Variants in ZMYM4 observed in about 807,000 individuals in gnomAD.
ZMYM4 encodes the protein zinc finger MYM-type protein 4.
A neutral mutation model predicts 183.2 loss-of-function variants in ZMYM4; 31 were observed. That is an observed-to-expected ratio of 0.17 (90% CI 0.13 to 0.23). The LOEUF is 0.23. Ranked by LOEUF, ZMYM4 falls within the 10% of genes least tolerant of loss-of-function variation. The pLI is 1.00. For synonymous variants in ZMYM4, 592 were observed against 631.2 expected (o/e 0.94, Z 0.93); for missense variants, 1,273 against 1,840.3 (o/e 0.69, Z 5.64).
chr1:35,394,162 CTTTTT>C (rs34277367), intron 18 of ZMYM4, among the ~76,000 whole-genome samples: 131 of 68,426 alleles, frequency 1.9e-3, no homozygotes, highest in East Asian at 0.011. Context: ...TCAGAGCTTT[CTTTTT>C]TTTTTTTTTT....
chr1:35,286,939 T>C (rs768654180), intron 1 of ZMYM4, among the ~76,000 whole-genome samples: 1 of 151,540 alleles, frequency 6.6e-6, no homozygotes, highest in Non-Finnish European at 1.5e-5. Flanking sequence ...ATCTTTCTGT[T>C]TTGGCACTGA....
chr1:35,341,570 G>T (rs1485865938), intron 2 of ZMYM4, among the ~76,000 whole-genome samples: 1 of 150,852 alleles, frequency 6.6e-6, no homozygotes. Context: ...GAATAGTCAG[G>T]GTGTTACTTA....
intron 18 of ZMYM4, among the ~76,000 whole-genome samples, chr1:35,395,228 T>C (rs974583360): frequency 6.6e-6 from 1 of 151,844 alleles, no homozygotes; most frequent in African/African-American, 2.4e-5. Context: ...AATAGCAGTT[T>C]ATTTAGTATT....
intron 1 of ZMYM4, among the ~76,000 whole-genome samples, chr1:35,295,392 G>A (rs2148728326): frequency 6.6e-6 from 1 of 152,314 alleles, no homozygotes; most frequent in East Asian, 1.9e-4. Flanking sequence ...AGGCAGCATA[G>A]AGGCAGTAGC....
At chr1:35,322,934 C>T (rs1340730853) in intron 1 of ZMYM4, among the ~76,000 whole-genome samples, 1 of 149,516 alleles carries the variant, frequency 6.7e-6, no homozygotes, top group Non-Finnish European at 1.5e-5. Flanking sequence ...TTGTGATCCA[C>T]CTGCCTCGGC....
rs1644864669 is a variant in ZMYM4 at position 35,399,479 on chromosome 1, T to C, written c.3434-3T>C. 1.9e-6 allele frequency: 3 copies of C among 1,613,858 alleles called. No homozygotes were observed. Among genetic ancestry groups the C allele is most frequent in the African/African-American group, 2.7e-5 (2 of 75,054 alleles). On this transcript the variant is annotated splice_polypyrimidine_tract_variant and splice_region_variant and intron_variant, in intron 22 of 29. Coordinates refer to ENST00000314607, the MANE Select transcript of ZMYM4 (RefSeq NM_005095.3). ...ATGTTGTCCTTTCTGCTGATTATTA[T>C]AGACTCCTTTGACCCACTTAATAAA...
At chr1:35,390,160 T>C (rs1438382970) in intron 15 of ZMYM4, 62 bp downstream of exon 15, 18 of 1,538,072 alleles carry the variant, frequency 1.2e-5, no homozygotes, top group Non-Finnish European at 1.5e-5. Context: ...ACTGTTCTTT[T>C]ACAGATCAGG....
Position 35,419,897 on chromosome 1 carries a change from G to A in ZMYM4, c.*220G>A. ...TTCTTTGGCAGTGATATAGTTCTTA[G>A]ACATCTTCAGAATGACTAATTTCTC... On this transcript the variant is annotated 3_prime_UTR_variant, in exon 30 of 30. Transcript: ENST00000314607. The A allele has an allele frequency of 1.9e-6, 1 of 539,826 alleles. No homozygotes were observed. The highest frequency in any genetic ancestry group is 3.2e-5 in the East Asian group (1 of 31,242). The allele number at this position is 539,826 out of a possible 1,614,324, so 33.4% of individuals were successfully genotyped here. A position where few individuals can be genotyped will look rare whatever the true frequency, so the allele number is the denominator to read the frequency against.
intron 11 of ZMYM4, 105 bp downstream of exon 11, chr1:35,386,294 A>G (rs935407338): frequency 1.3e-6 from 1 of 763,714 alleles, no homozygotes; most frequent in Non-Finnish European, 2.1e-6. Flanking sequence ...GTAATTTATA[A>G]AGAAAGAGGT....
intron 1 of ZMYM4, among the ~76,000 whole-genome samples, chr1:35,280,733 C>A (rs932477631): frequency 6.6e-6 from 1 of 152,142 alleles, no homozygotes; most frequent in Non-Finnish European, 1.5e-5. Context: ...CTTTACATGG[C>A]ATTATCTCTT....
intron 1 of ZMYM4, among the ~76,000 whole-genome samples, chr1:35,295,401 G>A (rs1640956782): frequency 6.6e-6 from 1 of 152,220 alleles, no homozygotes; most frequent in African/African-American, 2.4e-5. Context: ...AGAGGCAGTA[G>A]CTGAACATGA....
chr1:35,329,362 A>G (rs1049614298), intron 2 of ZMYM4, among the ~76,000 whole-genome samples: 2 of 152,230 alleles, frequency 1.3e-5, no homozygotes, highest in Non-Finnish European at 2.9e-5. Context: ...ATCTTAATTC[A>G]TGTTCCCTCA....
At chr1:35,280,401 G>T (rs1178495819) in intron 1 of ZMYM4, among the ~76,000 whole-genome samples, 1 of 152,090 alleles carries the variant, frequency 6.6e-6, no homozygotes, top group Non-Finnish European at 1.5e-5. Context: ...GCCTCCCAAA[G>T]TGTTGGGACT....
rs866211895 is a variant in ZMYM4 at position 35,367,170 on chromosome 1, G to A, written c.841-2859G>A. On this transcript the variant is annotated intron_variant, in intron 5 of 29. Transcript: ENST00000314607. ...TATATTCTAAAAAATGGATGGAGAG[G>A]TTGAATGTGGCAAATGCTGTTAAAT... is the stretch of plus-strand genomic sequence containing the variant. 2.6e-5 allele frequency among the ~76,000 whole-genome samples: 4 copies of A among 152,064 alleles called. No individual in the cohort carries two copies. In the South Asian group the frequency reaches 8.3e-4, roughly 32 times the overall value.
intron 2 of ZMYM4, among the ~76,000 whole-genome samples, chr1:35,353,416 A>G (rs1643700758): frequency 6.6e-6 from 1 of 152,242 alleles, no homozygotes; most frequent in Admixed American, 6.5e-5. Context: ...TTCCTTTTAC[A>G]CTTACATACA....
At chr1:35,367,849 A>C (rs1644124291) in intron 5 of ZMYM4, among the ~76,000 whole-genome samples, 1 of 151,906 alleles carries the variant, frequency 6.6e-6, no homozygotes, top group East Asian at 1.9e-4. Context: ...GGTGGCAGGC[A>C]CCTGTAATCT....
chr1:35,274,421 A>G (rs1026278457), intron 1 of ZMYM4, among the ~76,000 whole-genome samples: 1 of 152,098 alleles, frequency 6.6e-6, no homozygotes, highest in Non-Finnish European at 1.5e-5. Flanking sequence ...CCTGGACAAC[A>G]TAGCAAGACC....
rs761307711 is a variant in ZMYM4, at chr1:35,415,442, TC to T, written c.4061-23del. Reference sequence around the variant, plus strand: ...ACTTTAGCAGGAGCTCAGTACTGTTTCTTGTACCCCTTCTTCTGTCTAGGTT... The same window carrying T: ...ACTTTAGCAGGAGCTCAGTACTGTTTTTGTACCCCTTCTTCTGTCTAGGTT... On this transcript the variant is annotated intron_variant, in intron 27 of 29. Transcript: ENST00000314607. 124 of 1,613,862 alleles carry T rather than the reference TC, an allele frequency of 7.7e-5. 1 individual carries two copies. The East Asian group carries it at 2.4e-3, about 31-fold the overall frequency.
intron 5 of ZMYM4, 60 bp from the exon 6 acceptor site, chr1:35,369,969 G>A: frequency 1.6e-6 from 2 of 1,237,768 alleles, no homozygotes; most frequent in Non-Finnish European, 2.3e-6. Flanking sequence ...TGAATGTCTG[G>A]ATGTCTTTAG....
Sources: gnomAD v4.1 joint callset for allele counts (sites outside exome capture counted in the v4.1 genomes callset) on GRCh38, gnomAD v4.1.1 for gene constraint, MANE v1.5 for transcripts, NCBI Gene and HGNC (gene_info 2026-07-23, HGNC 2026-07-21) for gene names.